Variants in AMPH observed in about 807,000 individuals in gnomAD.
AMPH encodes amphiphysin (Stiff-Mann syndrome with breast cancer 128kD autoantigen).
AMPH carries 49 observed loss-of-function variants against 99.1 expected under a neutral mutation model. The observed-to-expected ratio is 0.49, with a 90% CI of 0.39 to 0.63. The LOEUF (loss-of-function observed/expected upper bound fraction) is 0.63. Among genes scored for constraint, AMPH ranks in the 20% least tolerant of loss-of-function variants. AMPH has a pLI of 0.00. For missense variants in AMPH, 759 were observed against 863.4 expected (o/e 0.88, Z 1.52); for synonymous variants, 314 against 317.3 (o/e 0.99, Z 0.11).
chr7:38,449,267 G>A (rs73692381), intron 11 of AMPH, among the ~76,000 whole-genome samples: 8,644 of 152,192 alleles, frequency 0.057, 640 homozygotes, highest in East Asian at 0.35. Flanking sequence ...CTGAATGCCC[G>A]GTACTGCTCT....
intron 11 of AMPH, among the ~76,000 whole-genome samples, chr7:38,443,547 A>T (rs1375295364): frequency 6.6e-6 from 1 of 152,188 alleles, no homozygotes; most frequent in Non-Finnish European, 1.5e-5. Context: ...ATGGTTTACC[A>T]TTGGAAAACC....
chr7:38,472,188 A>G (rs960361658), intron 7 of AMPH, among the ~76,000 whole-genome samples: 1 of 152,174 alleles, frequency 6.6e-6, no homozygotes, highest in Non-Finnish European at 1.5e-5. Context: ...AACATGTAAT[A>G]TGTTTATTAC....
chr7:38,469,441 G>T (rs1390142181), intron 7 of AMPH, among the ~76,000 whole-genome samples: 1 of 152,114 alleles, frequency 6.6e-6, no homozygotes. Context: ...TCTCCCCTTC[G>T]CAATGCCCTA....
intron 17 of AMPH, among the ~76,000 whole-genome samples, chr7:38,403,309 C>A (rs950581337): frequency 6.6e-6 from 1 of 152,200 alleles, no homozygotes; most frequent in Non-Finnish European, 1.5e-5. Context: ...CTACTCCCCT[C>A]CCTTCTGTGA....
At chr7:38,479,818 T>A (rs1182734904) in intron 5 of AMPH, among the ~76,000 whole-genome samples, 1 of 152,030 alleles carries the variant, frequency 6.6e-6, no homozygotes, top group Non-Finnish European at 1.5e-5. Flanking sequence ...AAATAAATTG[T>A]TATACATCAA....
intron 2 of AMPH, among the ~76,000 whole-genome samples, chr7:38,533,135 C>A (rs146845012): frequency 3.9e-5 from 6 of 152,314 alleles, no homozygotes; most frequent in Admixed American, 1.3e-4. Flanking sequence ...TACCCACACG[C>A]AGGAGATGTG....
rs1313353723 is a variant in AMPH, at chr7:38,466,170, C to T, written c.666+3G>A. ...ATATGCAAAAATTATCGTCATGACT[C>T]ACCACCGCAATTTCCTTATGAAACT... On this transcript the variant is annotated splice_donor_region_variant and intron_variant, in intron 8 of 20. Coordinates refer to ENST00000356264, the MANE Select transcript of AMPH (RefSeq NM_001635.4). The T allele has an allele frequency of 1.2e-6, 2 of 1,602,246 alleles. No individual in the cohort carries two copies. Among genetic ancestry groups the T allele is most frequent in the Middle Eastern group, 1.7e-4 (1 of 6,030 alleles).
chr7:38,584,226 C>T (rs1792566434), intron 1 of AMPH, among the ~76,000 whole-genome samples: 1 of 152,184 alleles, frequency 6.6e-6, no homozygotes, highest in South Asian at 2.1e-4. Context: ...TTTGAAGTGA[C>T]TCCAGGTAGT....
chr7:38,396,156 G>A (rs1784662873), intron 17 of AMPH, among the ~76,000 whole-genome samples: 2 of 152,154 alleles, frequency 1.3e-5, no homozygotes, highest in Non-Finnish European at 1.5e-5. Context: ...GAAAGTACAT[G>A]TGACATGGTT....
intron 1 of AMPH, among the ~76,000 whole-genome samples, chr7:38,540,890 G>C (rs1456490882): frequency 6.6e-6 from 1 of 151,250 alleles, no homozygotes; most frequent in Non-Finnish European, 1.5e-5. Context: ...GCTCCAACTA[G>C]ACAAATTTTC....
At chr7:38,395,992 T>G (rs1247269492) in intron 17 of AMPH, among the ~76,000 whole-genome samples, 1 of 152,248 alleles carries the variant, frequency 6.6e-6, no homozygotes, top group Non-Finnish European at 1.5e-5. Context: ...AAAAGAAATG[T>G]TAACAGCTAT....
intron 1 of AMPH, among the ~76,000 whole-genome samples, chr7:38,615,027 A>C (rs1022633024): frequency 1.3e-5 from 2 of 152,050 alleles, no homozygotes; most frequent in Non-Finnish European, 2.9e-5. Flanking sequence ...ACTTGGAATT[A>C]CTCCCCTACA....
At chr7:38,471,956 A>T (rs1787903525) in intron 7 of AMPH, among the ~76,000 whole-genome samples, 1 of 152,190 alleles carries the variant, frequency 6.6e-6, no homozygotes, top group African/African-American at 2.4e-5. Context: ...TACACCTAAC[A>T]AAAGAGCCCT....
At chr7:38,394,310 C>T (rs1784603134) in intron 17 of AMPH, 96 bp from the exon 18 acceptor site, 24 of 1,294,702 alleles carry the variant, frequency 1.9e-5, no homozygotes, top group Non-Finnish European at 2.3e-5. Flanking sequence ...TCTGTGGAGG[C>T]TATTCAGATT....
rs368440223 is a variant in AMPH, at chr7:38,608,187, T to A, written c.69+23096A>T. On this transcript the variant is annotated intron_variant, in intron 1 of 20. Transcript: ENST00000356264. ...CTTAGAACCCCTGTAAGAGCACCCG[T>A]GGGTGTTGCTGTGCATAAGACACAG... 7.2e-5 allele frequency among the ~76,000 whole-genome samples: 11 copies of A among 152,202 alleles called. No homozygotes were observed. In the East Asian group the frequency reaches 1.7e-3, roughly 24 times the overall value.
chr7:38,617,409 T>C (rs772692276), intron 1 of AMPH, among the ~76,000 whole-genome samples: 4 of 152,264 alleles, frequency 2.6e-5, no homozygotes, highest in Admixed American at 6.5e-5. Flanking sequence ...GAAATTTTGT[T>C]ATCCCTTAAA....
chr7:38,617,739 T>C (rs1426430208), intron 1 of AMPH, among the ~76,000 whole-genome samples: 1 of 152,206 alleles, frequency 6.6e-6, no homozygotes, highest in African/African-American at 2.4e-5. Flanking sequence ...AAGTCACAGA[T>C]CTTTTTGAAA....
At chr7:38,621,457 C>T (rs1013183732) in intron 1 of AMPH, among the ~76,000 whole-genome samples, 2 of 152,110 alleles carry the variant, frequency 1.3e-5, no homozygotes, top group African/African-American at 4.8e-5. Context: ...ATGAATTCTA[C>T]CAAATTGACT....
chr7:38,507,858 T>C (rs1789388522), intron 2 of AMPH, among the ~76,000 whole-genome samples: 1 of 152,192 alleles, frequency 6.6e-6, no homozygotes, highest in Non-Finnish European at 1.5e-5. Context: ...TTAAGTTGTC[T>C]GAATTGCCTA....
Sources: allele counts gnomAD v4.1 joint callset (sites outside exome capture counted in the v4.1 genomes callset), GRCh38; gene constraint gnomAD v4.1.1; transcripts MANE v1.5; gene names NCBI Gene and HGNC (gene_info 2026-07-23, HGNC 2026-07-21).